The following MYO7B variants were observed in gnomAD, a reference collection of about 807,000 sequenced individuals.
MYO7B encodes the protein myosin VIIB, also known as unconventional myosin-VIIb.
MYO7B carries 212 observed loss-of-function variants against 259.7 expected under a neutral mutation model. That is an observed-to-expected ratio of 0.82 (90% CI 0.73 to 0.91). The LOEUF (loss-of-function observed/expected upper bound fraction) is 0.91, where lower values mean the gene tolerates loss of function less well. Among genes scored for constraint, MYO7B ranks in the 40% least tolerant of loss-of-function variants. MYO7B has a pLI of 0.00. For missense variants in MYO7B, 2,732 were observed against 2,813.5 expected (o/e 0.97, Z 0.66); for synonymous variants, 1,197 against 1,166.4 (o/e 1.03, Z -0.54).
Position 127,585,054 on chromosome 2 carries a change from G to C in MYO7B, c.1690+141G>C. ...GATGAGTAGTATGGCTTCTACTGGA[G>C]AAAGAAAATGGAGTGGACCGGGCAT... On this transcript the variant is annotated intron_variant, in intron 14 of 47. Coordinates refer to ENST00000409816, the MANE Select transcript of MYO7B (RefSeq NM_001393586.1). The surrounding 1 kb of genome is among the most constrained non-coding windows in gnomAD (Gnocchi z 4.3). 8.9e-7 allele frequency: 1 copy of C among 1,127,468 alleles called. No individual in the cohort carries two copies. The highest frequency in any genetic ancestry group is 1.3e-6 in the Non-Finnish European group (1 of 787,186). 69.8% of individuals were successfully genotyped at this position (1,127,468 alleles called of 1,614,324 possible).
At chr2:127,605,817 T>G (rs774386202) in intron 19 of MYO7B, 27 bp from the exon 20 acceptor site, 1 of 1,605,702 alleles carries the variant, frequency 6.2e-7, no homozygotes, top group Admixed American at 1.7e-5. Context: ...GATTGTTACA[T>G]GTGTGTGGCT....
chr2:127,627,249 C>T lies in MYO7B; in HGVS notation c.4399C>T (p.Gln1467Ter). Residue 1467 changes from glutamine to a stop codon, truncating the protein, a stop_gained, in exon 33 of 48, where the codon CAG becomes TAG. Transcript: ENST00000409816. LOFTEE classifies it high-confidence loss of function. The surrounding 1 kb of genome is among the most constrained non-coding windows in gnomAD (Gnocchi z 5.6). ...CTGGAAGGGGCTTTGCTTCCTGGAC[C>T]AGCAGGAGAAGATGCTGCTGGAACT... ...VNWKGLCFLDQQEKMLLELSF... is the reference protein window; with the variant it reads ...VNWKGLCFLD 1.2e-6 allele frequency: 2 copies of T among 1,612,200 alleles called. No individual in the cohort carries two copies. Among genetic ancestry groups the T allele is most frequent in the Non-Finnish European group, 1.7e-6 (2 of 1,179,368 alleles).
intron 1 of MYO7B, among the ~76,000 whole-genome samples, chr2:127,558,375 G>A (rs1677914600): frequency 6.6e-6 from 1 of 152,118 alleles, no homozygotes; most frequent in South Asian, 2.1e-4. Context: ...CAGTGAAAAG[G>A]GAATGCTTCT....
At chr2:127,593,447 G>C (rs769971098) in intron 17 of MYO7B, 99 bp from the exon 18 acceptor site, 1 of 1,208,726 alleles carries the variant, frequency 8.3e-7, no homozygotes, top group East Asian at 2.4e-5. Context: ...AGCCCCTGAT[G>C]GGGGAGCCTG....
At chr2:127,547,271 AG>A (rs1358364764) in intron 1 of MYO7B, among the ~76,000 whole-genome samples, 2 of 152,200 alleles carry the variant, frequency 1.3e-5, no homozygotes, top group African/African-American at 4.8e-5. Context: ...AATTTCTCAC[AG>A]GTGTGGGAGA....
rs1295305102 is a variant in MYO7B, at chr2:127,613,298, A to G, written c.3398+695A>G. Among the ~76,000 whole-genome samples, 2 of 152,010 alleles carry G rather than the reference A, an allele frequency of 1.3e-5. No homozygotes were observed. Among genetic ancestry groups the G allele is most frequent in the African/African-American group, 4.8e-5 (2 of 41,364 alleles). ...TTTCTCTGTGTTCTTTAGATTGGATAGTTTCTATTGACCTGTCTTCAAATT... is the reference window on the plus strand; with the variant it reads ...TTTCTCTGTGTTCTTTAGATTGGATGGTTTCTATTGACCTGTCTTCAAATT... On this transcript the variant is annotated intron_variant, in intron 26 of 47. Transcript: ENST00000409816. This position sits in a 1 kb window ranked among gnomAD's most constrained non-coding sequence, Gnocchi z 4.3.
chr2:127,635,072 G>T (rs60245561), intron 42 of MYO7B, 48 bp from the exon 43 acceptor site: 138,846 of 1,500,930 alleles, frequency 0.093, 7,199 homozygotes, highest in African/African-American at 0.18. Flanking sequence ...GTCAGGGCTG[G>T]TGTACCTGCT....
intron 19 of MYO7B, among the ~76,000 whole-genome samples, chr2:127,604,333 C>T (rs778537238): frequency 7.9e-5 from 12 of 152,214 alleles, no homozygotes; most frequent in Admixed American, 7.9e-4. Context: ...GCAGCTTCCT[C>T]ACCTCTCTCA....
Position 127,605,948 on chromosome 2 carries a change from C to T in MYO7B, c.2424+20C>T, listed in dbSNP as rs748040518. 12 of 1,456,430 alleles carry T rather than the reference C, an allele frequency of 8.2e-6. No individual in the cohort carries two copies. In the Admixed American group the frequency reaches 9.0e-5, roughly 11 times the overall value. The allele number at this position is 1,456,430 out of a possible 1,614,324, so 90.2% of individuals were successfully genotyped here. A position where few individuals can be genotyped will look rare whatever the true frequency, so the allele number is the denominator to read the frequency against. On this transcript the variant is annotated intron_variant, in intron 20 of 47. Coordinates refer to ENST00000409816, the MANE Select transcript of MYO7B (RefSeq NM_001393586.1). ...AAGCTGGTGAGAGAGCTCTCTGGGG[C>T]GGCTGGGCCGCGGGACCAGCGGGTA...
intron 31 of MYO7B, 25 bp from the exon 32 acceptor site, chr2:127,626,950 G>T: frequency 6.3e-7 from 1 of 1,588,292 alleles, no homozygotes; most frequent in South Asian, 1.1e-5. Context: ...AGGTGACGGA[G>T]GTGACATCCA....
In MYO7B at chr2:127,555,908, A is replaced by G. The variant is rs1693616136; in HGVS notation, c.-23-3792A>G. ...TAGAATGTTCTGTAAATATCTGTTAAGTCCATTCATTCCAGGGTATAGTTT... is the reference window on the plus strand; with the variant it reads ...TAGAATGTTCTGTAAATATCTGTTAGGTCCATTCATTCCAGGGTATAGTTT... On this transcript the variant is annotated intron_variant, in intron 1 of 47. Transcript: ENST00000409816. Among the ~76,000 whole-genome samples, 3 of 152,328 alleles carry G rather than the reference A, an allele frequency of 2.0e-5. No homozygotes were observed. The South Asian group carries it at 6.2e-4, about 32-fold the overall frequency.
chr2:127,593,477 C>T, intron 17 of MYO7B, 69 bp from the exon 18 acceptor site: 1 of 1,448,396 alleles, frequency 6.9e-7, no homozygotes, highest in Non-Finnish European at 9.5e-7. Flanking sequence ...GAGGGAGACA[C>T]CACCCCCAGA....
intron 39 of MYO7B, among the ~76,000 whole-genome samples, chr2:127,632,738 C>T (rs771826062): frequency 1.3e-4 from 19 of 151,764 alleles, no homozygotes; most frequent in African/African-American, 2.7e-4. Context: ...CTTCCAAGTC[C>T]ATGCGGCCTC....
rs1679206240 is a variant in MYO7B, at chr2:127,584,018, A to T, written c.1344-104A>T. The T allele has an allele frequency of 1.0e-6, 1 of 999,552 alleles. No homozygotes were observed. Among genetic ancestry groups the T allele is most frequent in the Non-Finnish European group, 1.5e-6 (1 of 659,360 alleles). The allele number at this position is 999,552 out of a possible 1,614,324, so 61.9% of individuals were successfully genotyped here. ...GGTGTGCATCTGTGGGCATATCTGT[A>T]TGCAGCTGTTTGCAGATGGCTGGTG... On this transcript the variant is annotated intron_variant, in intron 12 of 47. Coordinates refer to ENST00000409816, the MANE Select transcript of MYO7B (RefSeq NM_001393586.1). This position sits in a 1 kb window ranked among gnomAD's most constrained non-coding sequence, Gnocchi z 5.8.
rs998934845 is a variant in MYO7B, at chr2:127,637,634, C to T, written c.*217C>T. 5 of 454,704 alleles carry T rather than the reference C, an allele frequency of 1.1e-5. No homozygotes were observed. The highest frequency in any genetic ancestry group is 9.9e-5 in the African/African-American group (5 of 50,604). The allele number at this position is 454,704 out of a possible 1,614,324, so 28.2% of individuals were successfully genotyped here. On this transcript the variant is annotated 3_prime_UTR_variant, in exon 48 of 48. Transcript: ENST00000409816. ...CCAGAATGGGGTCGGGAGTCTCGGA[C>T]CCCCAGGCTATTGGTGGATGACTGA... is the stretch of plus-strand genomic sequence containing the variant.
chr2:127,553,244 TC>T (rs1237720584), intron 1 of MYO7B, among the ~76,000 whole-genome samples: 1 of 152,196 alleles, frequency 6.6e-6, no homozygotes, highest in Non-Finnish European at 1.5e-5. Flanking sequence ...CTATGGGGGA[TC>T]TTTTTTGGTT....
chr2:127,595,133 G>C (rs1199930992), intron 18 of MYO7B, among the ~76,000 whole-genome samples: 1 of 152,066 alleles, frequency 6.6e-6, no homozygotes, highest in Admixed American at 6.6e-5. Context: ...GGCTATTATT[G>C]CCTTAATTTC....
At position 127,584,580 on chromosome 2, in the gene MYO7B, A is replaced by G. The variant is rs1481084053; in HGVS notation, c.1555-198A>G. 6.6e-6 allele frequency among the ~76,000 whole-genome samples: 1 copy of G among 151,960 alleles called. No homozygotes were observed. The highest frequency in any genetic ancestry group is 1.5e-5 in the Non-Finnish European group (1 of 67,990). ...AAGAGCTGGTGGTGGAGGGCGGCAG[A>G]CCCGGCCTCTGCTCCCAGCTCAGCC... On this transcript the variant is annotated intron_variant, in intron 13 of 47. Coordinates refer to ENST00000409816, the MANE Select transcript of MYO7B (RefSeq NM_001393586.1). The surrounding 1 kb of genome is among the most constrained non-coding windows in gnomAD (Gnocchi z 5.8).
chr2:127,596,647 C>A, intron 19 of MYO7B, 91 bp downstream of exon 19: 1 of 1,038,138 alleles, frequency 9.6e-7, no homozygotes, highest in Non-Finnish European at 1.5e-6. Context: ...ATCACATGTT[C>A]CCGCTGGGCC....
Sources: allele counts gnomAD v4.1 joint callset (sites outside exome capture counted in the v4.1 genomes callset), GRCh38; gene constraint gnomAD v4.1.1; non-coding constraint Gnocchi (gnomAD v3.1); transcripts MANE v1.5; gene names NCBI Gene and HGNC (gene_info 2026-07-23, HGNC 2026-07-21).